The following DENND1B variants were observed in gnomAD, a reference collection of about 807,000 sequenced individuals.
DENND1B encodes DENN domain containing 1B, also known as DENN domain-containing protein 1B.
In DENND1B, 59 loss-of-function variants were observed where a neutral mutation model predicts 90.1. That is an observed-to-expected ratio of 0.65 (90% CI 0.53 to 0.81). The LOEUF is 0.81. DENND1B is among the 40% of genes least tolerant of loss of function. The pLI, the probability that DENND1B is intolerant of heterozygous loss-of-function variation, is 0.00. For synonymous variants in DENND1B, 337 were observed against 324.6 expected, an observed-to-expected ratio of 1.04 and a Z score of -0.41; for missense variants, 862 against 912.6, an observed-to-expected ratio of 0.94 and a Z score of 0.71.
chr1:197,539,427 A>C (rs1251234117), intron 20 of DENND1B, among the ~76,000 whole-genome samples: 1 of 152,198 alleles, frequency 6.6e-6, no homozygotes, highest in Non-Finnish European at 1.5e-5. Context: ...TATGAAAAAA[A>C]AACCAGGAAC....
intron 3 of DENND1B, among the ~76,000 whole-genome samples, chr1:197,700,265 A>T (rs996804048): frequency 1.3e-5 from 2 of 152,174 alleles, no homozygotes; most frequent in Non-Finnish European, 2.9e-5. Context: ...TGGTACCAAA[A>T]CAAACATATA....
At position 197,653,434 on chromosome 1, in the gene DENND1B, G is replaced by A. The variant is rs533311165; in HGVS notation, c.367-1119C>T. Among the ~76,000 whole-genome samples the A allele has an allele frequency of 2.6e-5, 4 of 152,070 alleles. No homozygotes were observed. In the East Asian group the frequency reaches 5.8e-4, roughly 22 times the overall value. On this transcript the variant is annotated intron_variant, in intron 6 of 22. Coordinates refer to ENST00000620048, the MANE Select transcript of DENND1B (RefSeq NM_001195215.2). ...ATTCTGTTTATACAAAGTTCTTATA[G>A]GTATAAAAATTTTTAGACTAGCTTT...
At chr1:197,545,577 T>C (rs1670750733) in intron 18 of DENND1B, 1 of 196,568 alleles carries the variant, frequency 5.1e-6, no homozygotes, top group African/African-American at 2.4e-5. Flanking sequence ...TTTTTTTTTC[T>C]ACTTGAGCCG....
At chr1:197,614,406 T>C (rs1365882052) in intron 11 of DENND1B, among the ~76,000 whole-genome samples, 3 of 151,026 alleles carry the variant, frequency 2.0e-5, no homozygotes, top group African/African-American at 4.8e-5. Flanking sequence ...GTAATCCTAA[T>C]ATGAAATCAC....
intron 20 of DENND1B, among the ~76,000 whole-genome samples, chr1:197,516,802 A>G (rs1412147581): frequency 6.6e-6 from 1 of 151,852 alleles, no homozygotes; most frequent in Admixed American, 6.6e-5. Flanking sequence ...ATGCATATTA[A>G]CTATGCAGGA....
At chr1:197,764,849 T>C (rs1655508804) in intron 2 of DENND1B, among the ~76,000 whole-genome samples, 1 of 152,148 alleles carries the variant, frequency 6.6e-6, no homozygotes, top group South Asian at 2.1e-4. Flanking sequence ...AAGGAATTGT[T>C]AGTTGAAAAG....
chr1:197,685,116 T>C (rs1657101492), intron 3 of DENND1B, among the ~76,000 whole-genome samples: 1 of 152,032 alleles, frequency 6.6e-6, no homozygotes, highest in Admixed American at 6.6e-5. Flanking sequence ...AGACTCCATC[T>C]CAAAAAACAA....
chr1:197,672,264 T>A, intron 4 of DENND1B, 108 bp from the exon 5 acceptor site: 1 of 1,312,592 alleles, frequency 7.6e-7, no homozygotes, highest in Non-Finnish European at 1.0e-6. Context: ...ATCTTTCTAA[T>A]CAGTTGGTTC....
At chr1:197,615,990 T>C (rs896429482) in intron 11 of DENND1B, among the ~76,000 whole-genome samples, 70 of 151,076 alleles carry the variant, frequency 4.6e-4, no homozygotes, top group African/African-American at 1.6e-3. Context: ...GGAAAAAAAT[T>C]AGTACAGAAC....
chr1:197,774,212 T>C, intron 1 of DENND1B, among the ~76,000 whole-genome samples: 1 of 152,090 alleles, frequency 6.6e-6, no homozygotes. Context: ...TATTACATAA[T>C]TTCCCTCTTT....
chr1:197,723,221 C>A (rs1174001365), intron 2 of DENND1B, among the ~76,000 whole-genome samples: 1 of 152,116 alleles, frequency 6.6e-6, no homozygotes. Context: ...TCCTTTTAAA[C>A]AAGACCTATT....
At chr1:197,662,865 T>C (rs949181221) in intron 5 of DENND1B, among the ~76,000 whole-genome samples, 23 of 152,108 alleles carry the variant, frequency 1.5e-4, no homozygotes, top group African/African-American at 5.5e-4. Context: ...TTATTTAACA[T>C]TCAGAGCATT....
chr1:197,583,601 T>A (rs1194633872), intron 14 of DENND1B, among the ~76,000 whole-genome samples: 1 of 152,188 alleles, frequency 6.6e-6, no homozygotes, highest in East Asian at 1.9e-4. Flanking sequence ...GCATCCTGAT[T>A]GGAAAACACT....
intron 2 of DENND1B, among the ~76,000 whole-genome samples, chr1:197,772,104 G>A (rs1245841634): frequency 6.6e-6 from 1 of 152,142 alleles, no homozygotes. Flanking sequence ...TCCAACAGAA[G>A]GGGCTACTCA....
chr1:197,515,043 T>C (rs1668300077), intron 20 of DENND1B, among the ~76,000 whole-genome samples: 1 of 151,708 alleles, frequency 6.6e-6, no homozygotes, highest in Non-Finnish European at 1.5e-5. Context: ...GAGGAATAAC[T>C]TTCTGCCTTC....
chr1:197,634,898 T>C (rs1387246140), intron 10 of DENND1B, among the ~76,000 whole-genome samples: 1 of 151,974 alleles, frequency 6.6e-6, no homozygotes, highest in African/African-American at 2.4e-5. Flanking sequence ...GGCTGAGGTG[T>C]GGAAAGATGC....
Position 197,512,021 on chromosome 1 carries a change from T to C in DENND1B, c.1599-77A>G, listed in dbSNP as rs1668066256. ...TGTAAGTAATCTCTCACCAGTTACA[T>C]TACATTAATGAGAGAGTTAACAACA... On this transcript the variant is annotated intron_variant, in intron 21 of 22. Coordinates refer to ENST00000620048, the MANE Select transcript of DENND1B (RefSeq NM_001195215.2). 3 of 1,091,406 alleles carry C rather than the reference T, an allele frequency of 2.7e-6. No homozygotes were observed. The South Asian group carries it at 5.2e-5, about 19-fold the overall frequency. The allele number at this position is 1,091,406 out of a possible 1,614,324, so 67.6% of individuals were successfully genotyped here.
At chr1:197,556,397 TA>T (rs1671721235) in intron 15 of DENND1B, among the ~76,000 whole-genome samples, 1 of 152,048 alleles carries the variant, frequency 6.6e-6, no homozygotes, top group Non-Finnish European at 1.5e-5. Flanking sequence ...AAATGTGGTT[TA>T]ATCATCCTTT....
intron 15 of DENND1B, among the ~76,000 whole-genome samples, chr1:197,580,042 T>A (rs1674058475): frequency 6.6e-6 from 1 of 151,054 alleles, no homozygotes; most frequent in Non-Finnish European, 1.5e-5. Context: ...CATTTATAAT[T>A]TCTTTCATTG....
Sources: gnomAD v4.1 joint callset for allele counts (sites outside exome capture counted in the v4.1 genomes callset) on GRCh38, gnomAD v4.1.1 for gene constraint, MANE v1.5 for transcripts, NCBI Gene and HGNC (gene_info 2026-07-23, HGNC 2026-07-21) for gene names.